WIPI2: variants seen among roughly 807,000 people sequenced by gnomAD.
WIPI2 encodes the protein WD repeat domain, phosphoinositide interacting 2.
WIPI2 carries 28 observed loss-of-function variants against 52.3 expected under a neutral mutation model. That is an observed-to-expected ratio of 0.54 (90% CI 0.40 to 0.73). The LOEUF (loss-of-function observed/expected upper bound fraction) is 0.73, where lower values mean the gene tolerates loss of function less well. Ranked by LOEUF, WIPI2 falls within the 30% of genes least tolerant of loss-of-function variation. The pLI is 0.00. For missense variants in WIPI2, 506 were observed against 602.9 expected (o/e 0.84, Z 1.68); for synonymous variants, 268 against 245.0 (o/e 1.09, Z -0.88).
chr7:5,225,063 T>G (rs79921774), intron 8 of WIPI2, among the ~76,000 whole-genome samples: 3,409 of 152,206 alleles, frequency 0.022, 121 homozygotes, highest in African/African-American at 0.077. Context: ...TCACATGAAT[T>G]TAGTGGCTTT....
At chr7:5,219,453 ATT>A (rs11353388) in intron 7 of WIPI2, among the ~76,000 whole-genome samples, 6 of 151,046 alleles carry the variant, frequency 4.0e-5, no homozygotes, top group Non-Finnish European at 7.4e-5. Context: ...ATAAAAATAG[ATT>A]TTTTTTTTTC....
intron 3 of WIPI2, among the ~76,000 whole-genome samples, chr7:5,212,104 G>A (rs1782589174): frequency 6.6e-6 from 1 of 152,104 alleles, no homozygotes; most frequent in African/African-American, 2.4e-5. Flanking sequence ...GGGAGTTTGG[G>A]GAATATCCAA....
At position 5,233,736 on chromosome 7, in the gene WIPI2, T is replaced by C. The variant is rs898042756; in HGVS notation, c.*2789T>C. 2 of 152,190 alleles carry C rather than the reference T, an allele frequency of 1.3e-5. No homozygotes were observed. Among genetic ancestry groups the C allele is most frequent in the Non-Finnish European group, 2.9e-5 (2 of 68,040 alleles). The allele number at this position is 152,190 out of a possible 1,614,324, so 9.4% of individuals were successfully genotyped here. ...TCATCCCTACCTCACAGGGCTGTTG[T>C]GAGGTGTTGTGTGACTGCGTGTCCT... On this transcript the variant is annotated 3_prime_UTR_variant, in exon 13 of 13. Coordinates refer to ENST00000288828, the MANE Select transcript of WIPI2 (RefSeq NM_015610.4).
intron 2 of WIPI2, among the ~76,000 whole-genome samples, chr7:5,197,299 G>C (rs1188116432): frequency 6.6e-6 from 1 of 152,032 alleles, no homozygotes; most frequent in African/African-American, 2.4e-5. Context: ...GAAAATGGGA[G>C]TGGGGGAGTC....
At position 5,231,045 on chromosome 7, in the gene WIPI2, A is replaced by G. The variant is rs764626694; in HGVS notation, c.*98A>G. Reference sequence around the variant, plus strand: ...TGAACTTTGACCTGAGTCGGGGGAGAGGATGGCAGAGACTTTATTAAAAAA... The same window carrying G: ...TGAACTTTGACCTGAGTCGGGGGAGGGGATGGCAGAGACTTTATTAAAAAA... On this transcript the variant is annotated 3_prime_UTR_variant, in exon 13 of 13. Coordinates refer to ENST00000288828, the MANE Select transcript of WIPI2 (RefSeq NM_015610.4). 5.8e-5 allele frequency: 51 copies of G among 886,772 alleles called. No individual in the cohort carries two copies. The highest frequency in any genetic ancestry group is 2.1e-4 in the Admixed American group (6 of 28,890). The allele number at this position is 886,772 out of a possible 1,614,324, so 54.9% of individuals were successfully genotyped here. A position where few individuals can be genotyped will look rare whatever the true frequency, so the allele number is the denominator to read the frequency against.
chr7:5,230,939 A>G lies in WIPI2; in HGVS notation c.1357A>G (p.Thr453Ala), dbSNP rs767023979. ...DSEHPPMILR[T>A]D ...CGAGCACCCGCCCATGATTCTTCGG[A>G]CTGACTGAACTTGACCTGTGACCTC... Residue 453 changes from threonine to alanine, a missense_variant, in exon 13 of 13, where the codon ACT becomes GCT. Thr to Ala is a moderately conservative substitution (Grantham distance 58, BLOSUM62 0). This residue lies in a region of WIPI2 where 194 missense variants were observed against 175.1 expected (regional missense o/e 1.11). Transcript: ENST00000288828. This position sits in a 1 kb window ranked among gnomAD's most constrained non-coding sequence, Gnocchi z 4.8. 2 of 1,610,850 alleles carry G rather than the reference A, an allele frequency of 1.2e-6. No individual in the cohort carries two copies. The highest frequency in any genetic ancestry group is 1.7e-5 in the Admixed American group (1 of 59,614).
chr7:5,211,030 TCAA>T (rs1285225697), intron 3 of WIPI2, among the ~76,000 whole-genome samples: 1 of 152,092 alleles, frequency 6.6e-6, no homozygotes, highest in African/African-American at 2.4e-5. Flanking sequence ...AACAGTGAAA[TCAA>T]CAACAAGCAC....
chr7:5,198,922 A>G (rs1451607494), intron 2 of WIPI2, among the ~76,000 whole-genome samples: 3 of 152,232 alleles, frequency 2.0e-5, no homozygotes, highest in Non-Finnish European at 2.9e-5. Flanking sequence ...TTTTGTGACA[A>G]GCACACTTAA....
chr7:5,217,941 C>T lies in WIPI2; in HGVS notation c.596C>T (p.Pro199Leu), dbSNP rs1334346432. 6.2e-6 allele frequency: 10 copies of T among 1,614,210 alleles called. No homozygotes were observed. The East Asian group carries it at 8.9e-5, about 14-fold the overall frequency. The stretch of plus-strand genomic sequence containing the variant: ...TTTCAGAGAGCTGCAAACATGATTC[C>T]GGCTCACGACAGTCCTTTAGCGGCA... Reference protein sequence around the residue: ...TINLRAANMIPAHDSPLAALA... With the variant: ...TINLRAANMILAHDSPLAALA... Residue 199 changes from proline (P) to leucine (L), a missense_variant, in exon 7 of 13, where the codon CCG becomes CTG. Physicochemically the swap from Pro to Leu is moderately conservative, Grantham distance 98. This residue lies in a region of WIPI2 where 237 missense variants were observed against 346.9 expected (regional missense o/e 0.68). Coordinates refer to ENST00000288828, the MANE Select transcript of WIPI2 (RefSeq NM_015610.4).
chr7:5,216,946 C>A (rs940530893), intron 5 of WIPI2, 144 bp from the exon 6 acceptor site: 39 of 957,880 alleles, frequency 4.1e-5, no homozygotes, highest in Non-Finnish European at 5.7e-5. Flanking sequence ...GGTTGCAGAA[C>A]TTTCCTAACA....
intron 3 of WIPI2, 124 bp from the exon 4 acceptor site, chr7:5,214,411 C>T: frequency 6.2e-7 from 1 of 1,609,596 alleles, no homozygotes; most frequent in Non-Finnish European, 8.5e-7. Flanking sequence ...ACATGTTCCG[C>T]AGGCACCCTC....
At chr7:5,216,702 GC>G in intron 5 of WIPI2, 43 bp downstream of exon 5, 1 of 1,592,962 alleles carries the variant, frequency 6.3e-7, no homozygotes, top group South Asian at 1.1e-5. Flanking sequence ...TTCTGATTTT[GC>G]CCTTGAAAGA....
rs1395521377 is a variant in WIPI2, at chr7:5,193,164, G to C, written c.121G>C (p.Val41Leu). Residue 41 changes from valine to leucine, a missense_variant, in exon 2 of 13, where the codon GTT (valine) becomes CTT (leucine). Transcript: ENST00000288828. ...AGCAGCTGGTCTTGGCCGTCGCGCT[G>C]TTGTCTGGTTAGTTCCAACCCTGGT... ...SRAAGLGRRA[V>L]VWSLAVGSKS... is the part of the protein sequence containing the mutation. The C allele has an allele frequency of 2.5e-6, 4 of 1,613,476 alleles. No homozygotes were observed. Among genetic ancestry groups the C allele is most frequent in the Admixed American group, 1.7e-5 (1 of 59,994 alleles).
At chr7:5,191,280 C>T (rs1469934084) in intron 1 of WIPI2, among the ~76,000 whole-genome samples, 1 of 152,130 alleles carries the variant, frequency 6.6e-6, no homozygotes, top group Non-Finnish European at 1.5e-5. Flanking sequence ...CCTCAGCCTC[C>T]CAAAGTGCTG....
intron 12 of WIPI2, among the ~76,000 whole-genome samples, 197 bp downstream of exon 12, chr7:5,229,935 T>C (rs1418253939): frequency 2.0e-5 from 3 of 151,560 alleles, no homozygotes; most frequent in Non-Finnish European, 3.0e-5. Flanking sequence ...TTTCCTTTTT[T>C]TTTTTTTTTT....
Position 5,217,987 on chromosome 7 carries a change from A to C in WIPI2, c.642A>C (p.Gly214=). ...CGGCACTGGCCTTTGACGCAAGTGG[A>C]ACTAAACTTGCCACGGCTTCGGAGA... ...PLAALAFDAS[G]TKLATASEKG... Residue 214 remains glycine, a synonymous_variant, in exon 7 of 13, where the codon GGA becomes GGC. Transcript: ENST00000288828. 1 of 1,614,218 alleles carries C rather than the reference A, an allele frequency of 6.2e-7. No homozygotes were observed. The highest frequency in any genetic ancestry group is 8.5e-7 in the Non-Finnish European group (1 of 1,180,028).
chr7:5,214,468 G>A lies in WIPI2; in HGVS notation c.212-67G>A, dbSNP rs537328978. On this transcript the variant is annotated intron_variant, in intron 3 of 12. Transcript: ENST00000288828. The stretch of plus-strand genomic sequence containing the variant: ...CCCAGGCAGGTGTTTGTTTTTGAGC[G>A]CAGATTCTGCCTGTGGCCATAGCCA... 105 of 1,613,752 alleles carry A rather than the reference G, an allele frequency of 6.5e-5. No homozygotes were observed. In the South Asian group the frequency reaches 7.8e-4, roughly 12 times the overall value.
Position 5,218,230 on chromosome 7 carries a change from G to A in WIPI2, c.669+216G>A, listed in dbSNP as rs1211655048. ...GGGACGGGAGAGCTGGTCCACATTTGTAGTAGAAAATACAGAAATGTCCAG... is the reference window on the plus strand; with the variant it reads ...GGGACGGGAGAGCTGGTCCACATTTATAGTAGAAAATACAGAAATGTCCAG... On this transcript the variant is annotated intron_variant, in intron 7 of 12. Transcript: ENST00000288828. 35 of 515,494 alleles carry A rather than the reference G, an allele frequency of 6.8e-5. No individual in the cohort carries two copies. In the East Asian group the frequency reaches 1.1e-3, roughly 17 times the overall value. 31.9% of individuals were successfully genotyped at this position (515,494 alleles called of 1,614,324 possible).
chr7:5,203,932 C>G (rs181330849), intron 3 of WIPI2, among the ~76,000 whole-genome samples: 2 of 152,166 alleles, frequency 1.3e-5, no homozygotes, highest in African/African-American at 4.8e-5. Context: ...CACGTTCAGT[C>G]TTTCTTAGTG....
Sources: gnomAD v4.1 joint callset for allele counts (sites outside exome capture counted in the v4.1 genomes callset) on GRCh38, gnomAD v4.1.1 for gene constraint, gnomAD v4.1.1 regional missense constraint, Gnocchi (gnomAD v3.1) non-coding constraint, MANE v1.5 for transcripts, NCBI Gene and HGNC (gene_info 2026-07-23, HGNC 2026-07-21) for gene names.